Variants in NAV2 observed in about 807,000 individuals in gnomAD.
NAV2 encodes the protein helicase, APC down-regulated 1.
Under a neutral mutation model 223.2 loss-of-function variants are expected in NAV2, and 54 were observed. The ratio of observed to expected loss-of-function variants is 0.24; its 90% CI spans 0.19 to 0.30. NAV2 has a LOEUF of 0.30. NAV2 is among the 10% of genes least tolerant of loss of function. The pLI, the probability that NAV2 is intolerant of heterozygous loss-of-function variation, is 1.00. For synonymous variants in NAV2, 1,279 were observed against 1,239.3 expected (o/e 1.03, Z -0.67); for missense variants, 2,806 against 3,147.5 (o/e 0.89, Z 2.60).
chr11:19,505,172 A>G (rs2043085254), intron 1 of NAV2: 1 of 152,298 alleles, frequency 6.6e-6, no homozygotes, highest in African/African-American at 2.4e-5. Context: ...GCGTGAGCAC[A>G]CAGAGCAACT....
At chr11:19,777,298 G>C (rs1389677790) in intron 1 of NAV2, among the ~76,000 whole-genome samples, 1 of 151,576 alleles carries the variant, frequency 6.6e-6, no homozygotes, top group Non-Finnish European at 1.5e-5. Context: ...GCCCCGGGGC[G>C]GGGGCGAGGC....
intron 1 of NAV2, among the ~76,000 whole-genome samples, chr11:19,725,984 A>G (rs2051201986): frequency 6.6e-6 from 1 of 152,122 alleles, no homozygotes; most frequent in Non-Finnish European, 1.5e-5. Context: ...TGCATTCCCC[A>G]GGTCTGGTGG....
intron 1 of NAV2, among the ~76,000 whole-genome samples, chr11:19,827,341 G>A (rs1415011016): frequency 6.6e-6 from 1 of 152,158 alleles, no homozygotes; most frequent in East Asian, 1.9e-4. Context: ...TTTGTAGCAC[G>A]AAAGCAACCA....
intron 1 of NAV2, among the ~76,000 whole-genome samples, chr11:19,758,582 G>C (rs1276560223): frequency 6.6e-6 from 1 of 152,218 alleles, no homozygotes; most frequent in African/African-American, 2.4e-5. Context: ...CCAAGGACAG[G>C]CCCAGGTGAC....
At chr11:19,429,221 G>A (rs1850951504) in intron 1 of NAV2, among the ~76,000 whole-genome samples, 1 of 152,196 alleles carries the variant, frequency 6.6e-6, no homozygotes. Flanking sequence ...ATAGTTCCTG[G>A]AGCAGGGCTG....
chr11:20,099,984 A>G (rs1452548346), intron 31 of NAV2, among the ~76,000 whole-genome samples: 1 of 152,160 alleles, frequency 6.6e-6, no homozygotes, highest in African/African-American at 2.4e-5. Flanking sequence ...TGTCATGTTC[A>G]TTCTGGAAGA....
intron 28 of NAV2, 41 bp downstream of exon 28, chr11:20,092,409 AG>A (rs769380433): frequency 6.3e-7 from 1 of 1,581,540 alleles, no homozygotes; most frequent in South Asian, 1.1e-5. Context: ...ATGGACCTAC[AG>A]CTGGCACCCT....
At chr11:19,709,689 G>C (rs529063309), upstream of NAV2, among the ~76,000 whole-genome samples, 67 of 151,900 alleles carry the variant, frequency 4.4e-4, no homozygotes, top group African/African-American at 1.6e-3. Flanking sequence ...ACAAAAATTA[G>C]CCGGGTGTGG....
chr11:19,729,311 T>C (rs761167381), intron 1 of NAV2, among the ~76,000 whole-genome samples: 2 of 152,020 alleles, frequency 1.3e-5, no homozygotes, highest in Non-Finnish European at 2.9e-5. Context: ...ATACTTTGGA[T>C]TTGGTCTGAT....
chr11:19,690,095 T>C (rs2049127239), intron 1 of NAV2, among the ~76,000 whole-genome samples: 1 of 152,146 alleles, frequency 6.6e-6, no homozygotes, highest in African/African-American at 2.4e-5. Flanking sequence ...CTCAGCCTCC[T>C]GAGTAGCTGG....
intron 1 of NAV2, among the ~76,000 whole-genome samples, chr11:19,550,326 TAAG>T (rs1479652880): frequency 6.6e-6 from 1 of 152,180 alleles, no homozygotes; most frequent in African/African-American, 2.4e-5. Flanking sequence ...TTCTAAGGAA[TAAG>T]AAGTTAAAGG....
intron 1 of NAV2, among the ~76,000 whole-genome samples, chr11:19,569,701 T>C (rs553498360): frequency 1.2e-3 from 183 of 152,262 alleles, no homozygotes; most frequent in Non-Finnish European, 2.1e-3. Context: ...GGAATCAGGA[T>C]GCAAAGGGCT....
intron 26 of NAV2, among the ~76,000 whole-genome samples, chr11:20,083,642 G>T (rs146868458): frequency 6.6e-6 from 1 of 152,316 alleles, no homozygotes; most frequent in East Asian, 1.9e-4. Flanking sequence ...TAGTCTGCAA[G>T]GAAAGTTGTC....
chr11:20,067,346 G>A (rs2059112587), intron 20 of NAV2, among the ~76,000 whole-genome samples: 1 of 152,164 alleles, frequency 6.6e-6, no homozygotes, highest in Non-Finnish European at 1.5e-5. Context: ...ATTAACCCAG[G>A]AGCAGTCTTC....
chr11:19,557,365 A>G (rs1452917061), intron 1 of NAV2, among the ~76,000 whole-genome samples: 1 of 152,352 alleles, frequency 6.6e-6, no homozygotes, highest in African/African-American at 2.4e-5. Flanking sequence ...CTGGCAATCT[A>G]CGGCTTACGA....
At chr11:19,498,459 G>A (rs1316719506) in intron 1 of NAV2, among the ~76,000 whole-genome samples, 1 of 152,196 alleles carries the variant, frequency 6.6e-6, no homozygotes, top group African/African-American at 2.4e-5. Context: ...CTCTGGAAAG[G>A]TGCAGTTAGA....
At chr11:19,518,035 A>G (rs1332435308) in intron 1 of NAV2, among the ~76,000 whole-genome samples, 1 of 152,266 alleles carries the variant, frequency 6.6e-6, no homozygotes, top group African/African-American at 2.4e-5. Context: ...ACAGCAGCAC[A>G]GAGCTAAAGA....
intron 4 of NAV2, among the ~76,000 whole-genome samples, chr11:19,873,493 C>T (rs2062655276): frequency 6.6e-6 from 1 of 152,086 alleles, no homozygotes; most frequent in Admixed American, 6.5e-5. Flanking sequence ...ATTGGATAAA[C>T]AAAAGTAGGA....
chr11:19,416,031 A>G (rs4379819), intron 1 of NAV2, among the ~76,000 whole-genome samples: 132,002 of 152,198 alleles, frequency 0.87, 57,911 homozygotes, highest in East Asian at 0.94. Flanking sequence ...TCGAAAACCC[A>G]CACAAGACAA....
Sources: gnomAD v4.1 joint callset for allele counts (sites outside exome capture counted in the v4.1 genomes callset) on GRCh38, gnomAD v4.1.1 for gene constraint, MANE v1.5 for transcripts, NCBI Gene and HGNC (gene_info 2026-07-23, HGNC 2026-07-21) for gene names.